SPICE1: variants seen among roughly 807,000 people sequenced by gnomAD.
The protein encoded by SPICE1 is spindle and centriole associated protein 1.
In SPICE1, 75 loss-of-function variants were observed where a neutral mutation model predicts 102.7. The observed-to-expected ratio is 0.73, with a 90% confidence interval of 0.61 to 0.88. The LOEUF is 0.88. Among genes scored for constraint, SPICE1 ranks in the 40% least tolerant of loss-of-function variants. The pLI is 0.00. For synonymous variants in SPICE1, 308 were observed against 350.3 expected, an observed-to-expected ratio of 0.88 and a Z score of 1.35; for missense variants, 979 against 1,020.1, an observed-to-expected ratio of 0.96 and a Z score of 0.55.
intron 2 of SPICE1, 118 bp from the exon 3 acceptor site, chr3:113,503,345 CT>C (rs1937045981): frequency 2.1e-6 from 2 of 946,930 alleles, no homozygotes; most frequent in Admixed American, 6.5e-5. Flanking sequence ...AAAATTCTTT[CT>C]TTCTAGGAAC....
chr3:113,503,118 T>C, intron 3 of SPICE1, 62 bp downstream of exon 3: 1 of 1,536,906 alleles, frequency 6.5e-7, no homozygotes, highest in Non-Finnish European at 8.9e-7. Context: ...ATTCTAAAGG[T>C]TACAAGTCAA....
chr3:113,485,103 G>A (rs1936612672), intron 7 of SPICE1, among the ~76,000 whole-genome samples: 1 of 152,030 alleles, frequency 6.6e-6, no homozygotes, highest in Non-Finnish European at 1.5e-5. Flanking sequence ...TACCCCAGCA[G>A]GGTCCTGGGT....
At chr3:113,461,022 T>G (rs1162852763) in intron 11 of SPICE1, among the ~76,000 whole-genome samples, 1 of 152,114 alleles carries the variant, frequency 6.6e-6, no homozygotes, top group Non-Finnish European at 1.5e-5. Context: ...CAGTAATTAA[T>G]AAATACCCTG....
chr3:113,473,623 G>A (rs568824442), intron 7 of SPICE1, among the ~76,000 whole-genome samples: 124 of 152,124 alleles, frequency 8.2e-4, no homozygotes, highest in African/African-American at 2.8e-3. Context: ...GAGAGTGGGG[G>A]CCAATATTCA....
At chr3:113,452,390 A>G (rs1005854681) in intron 14 of SPICE1, among the ~76,000 whole-genome samples, 6 of 152,234 alleles carry the variant, frequency 3.9e-5, no homozygotes, top group African/African-American at 1.4e-4. Context: ...AATCCTTTAA[A>G]ACATTATTTC....
chr3:113,468,059 G>A (rs1436959587), intron 10 of SPICE1, 80 bp downstream of exon 10: 1 of 1,519,040 alleles, frequency 6.6e-7, no homozygotes, highest in South Asian at 1.3e-5. Context: ...ACTTTATTTG[G>A]AGGTTGCAAT....
Position 113,500,412 on chromosome 3 carries a change from AT to A in SPICE1, c.148-831del, listed in dbSNP as rs1936986787. On this transcript the variant is annotated intron_variant, in intron 3 of 17. Transcript: ENST00000295872. ...CTCACAAAAAACAAATGAAGATGAC[AT>A]TTTTTAGACAACTGAGGAGATTTGA... is the stretch of plus-strand genomic sequence containing the variant. Among the ~76,000 whole-genome samples, 2 of 152,078 alleles carry A rather than the reference AT, an allele frequency of 1.3e-5. 1 individual carries two copies. Among genetic ancestry groups the A allele is most frequent in the South Asian group, 4.1e-4 (2 of 4,828 alleles).
intron 2 of SPICE1, 74 bp downstream of exon 2, chr3:113,506,433 A>C (rs1383501944): frequency 1.7e-6 from 2 of 1,200,398 alleles, no homozygotes; most frequent in African/African-American, 3.0e-5. Flanking sequence ...ACCATCTTGC[A>C]TGACTAGGGC....
intron 4 of SPICE1, among the ~76,000 whole-genome samples, chr3:113,497,707 C>CTTTT (rs1165475734): frequency 2.5e-4 from 23 of 91,346 alleles, no homozygotes; most frequent in East Asian, 7.9e-4. Flanking sequence ...AGAAAGAGAG[C>CTTTT]TTTTTTTTTT....
At chr3:113,497,676 C>G (rs1261813454) in intron 4 of SPICE1, among the ~76,000 whole-genome samples, 1 of 125,414 alleles carries the variant, frequency 8.0e-6, no homozygotes, top group Non-Finnish European at 1.7e-5. Context: ...TATATGCATA[C>G]ATACATAGAG....
rs894798585 is a variant in SPICE1, at chr3:113,489,024, T to C, written c.532A>G (p.Asn178Asp). The change falls in exon 7 of 18, where the codon AAT (asparagine) becomes GAT (aspartate). Residue 178 changes from asparagine (N) to aspartate (D), a missense_variant. Transcript: ENST00000295872. Reference protein sequence around the residue: ...DVDGEEEGTVNSQSGESENEN... With the variant: ...DVDGEEEGTVDSQSGESENEN... Reference sequence around the variant, plus strand: ...TTCTCACTTTCTCCTGACTGGCTATTAACAGTTCCTTCTTCTTCACCATCT... The same window carrying C: ...TTCTCACTTTCTCCTGACTGGCTATCAACAGTTCCTTCTTCTTCACCATCT... The C allele has an allele frequency of 6.2e-7, 1 of 1,613,462 alleles. No individual in the cohort carries two copies. Among genetic ancestry groups the C allele is most frequent in the Middle Eastern group, 1.7e-4 (1 of 6,058 alleles).
At chr3:113,476,949 TAA>T (rs1172659819) in intron 7 of SPICE1, among the ~76,000 whole-genome samples, 1 of 152,048 alleles carries the variant, frequency 6.6e-6, no homozygotes, top group Non-Finnish European at 1.5e-5. Flanking sequence ...CTAACTAAAC[TAA>T]AGAGCTTCTG....
At chr3:113,454,249 A>G (rs1935729047) in intron 13 of SPICE1, among the ~76,000 whole-genome samples, 1 of 152,222 alleles carries the variant, frequency 6.6e-6, no homozygotes, top group East Asian at 1.9e-4. Context: ...GGAATGAGGA[A>G]GTGGGTATAA....
Position 113,460,166 on chromosome 3 carries a change from A to T in SPICE1, c.1435+451T>A, listed in dbSNP as rs559186631. 8 of 985,448 alleles carry T rather than the reference A, an allele frequency of 8.1e-6. No individual in the cohort carries two copies. The East Asian group carries it at 7.9e-4, about 98-fold the overall frequency. The allele number at this position is 985,448 out of a possible 1,614,324, so 61.0% of individuals were successfully genotyped here. ...CAAAATAACAACACTATCACACATG[A>T]ACAAAAGTTATGAATTTCTAAAACT... On this transcript the variant is annotated intron_variant, in intron 12 of 17. Transcript: ENST00000295872.
rs11926687 is a variant in SPICE1, at chr3:113,443,723, A to G, written c.*1584T>C. 0.067 allele frequency: 10,274 copies of G among 152,232 alleles called. 510 individuals carry two copies. Among genetic ancestry groups the G allele is most frequent in the African/African-American group, 0.13 (5,426 of 41,524 alleles). The allele number at this position is 152,232 out of a possible 1,614,324, so 9.4% of individuals were successfully genotyped here. Reference sequence around the variant, plus strand: ...AAAGACTGCCTATGTTCCCATTCTAATGCCACCACTCCCTAGTTGTGTGAC... The same window carrying G: ...AAAGACTGCCTATGTTCCCATTCTAGTGCCACCACTCCCTAGTTGTGTGAC... On this transcript the variant is annotated 3_prime_UTR_variant, in exon 18 of 18. Coordinates refer to ENST00000295872, the MANE Select transcript of SPICE1 (RefSeq NM_144718.4).
In SPICE1 at chr3:113,442,740, T is replaced by C. The variant is rs1935412924; in HGVS notation, c.*2567A>G. Reference sequence around the variant, plus strand: ...AAATTGCTATAATACAATTTGTGTTTATTAGTTTCCACAATGTTACACAAA... The same window carrying C: ...AAATTGCTATAATACAATTTGTGTTCATTAGTTTCCACAATGTTACACAAA... On this transcript the variant is annotated 3_prime_UTR_variant, in exon 18 of 18. Coordinates refer to ENST00000295872, the MANE Select transcript of SPICE1 (RefSeq NM_144718.4). 6.6e-6 allele frequency: 1 copy of C among 152,240 alleles called. No individual in the cohort carries two copies. Among genetic ancestry groups the C allele is most frequent in the African/African-American group, 2.4e-5 (1 of 41,472 alleles). The allele number at this position is 152,240 out of a possible 1,614,324, so 9.4% of individuals were successfully genotyped here.
intron 7 of SPICE1, among the ~76,000 whole-genome samples, chr3:113,480,683 G>C (rs1936470121): frequency 6.6e-6 from 1 of 151,792 alleles, no homozygotes; most frequent in South Asian, 2.1e-4. Context: ...AAACAATCAA[G>C]AAAACAAGAA....
At chr3:113,447,627 G>C (rs374570664) in intron 16 of SPICE1, among the ~76,000 whole-genome samples, 1 of 152,136 alleles carries the variant, frequency 6.6e-6, no homozygotes, top group African/African-American at 2.4e-5. Context: ...AGACAGAAAG[G>C]CCAGGTATGT....
At chr3:113,470,091 T>C (rs1200877407) in intron 7 of SPICE1, among the ~76,000 whole-genome samples, 3 of 152,128 alleles carry the variant, frequency 2.0e-5, no homozygotes, top group Non-Finnish European at 4.4e-5. Context: ...ACTGATAAGG[T>C]TGATATTTTA....
Sources: gnomAD v4.1 joint callset for allele counts (sites outside exome capture counted in the v4.1 genomes callset) on GRCh38, gnomAD v4.1.1 for gene constraint, MANE v1.5 for transcripts, NCBI Gene and HGNC (gene_info 2026-07-23, HGNC 2026-07-21) for gene names.